The following KIF14 variants were observed in gnomAD, a reference collection of about 807,000 sequenced individuals.
KIF14 encodes kinesin-like protein KIF14.
KIF14 carries 98 observed loss-of-function variants against 176.2 expected under a neutral mutation model. That is an observed-to-expected ratio of 0.56 (90% CI 0.47 to 0.66). KIF14 has a LOEUF of 0.66. Ranked by LOEUF, KIF14 falls within the 30% of genes least tolerant of loss-of-function variation. The pLI is 0.00. For synonymous variants in KIF14, 566 were observed against 632.2 expected (o/e 0.90, Z 1.57); for missense variants, 1,751 against 1,920.4 (o/e 0.91, Z 1.65).
chr1:200,573,440 T>C (rs1401713218), intron 22 of KIF14, among the ~76,000 whole-genome samples: 1 of 133,816 alleles, frequency 7.5e-6, no homozygotes, highest in Non-Finnish European at 1.6e-5. Context: ...TTTTTTTTTT[T>C]TTTTTTTTTT....
At chr1:200,608,300 T>G (rs192972346) in intron 5 of KIF14, among the ~76,000 whole-genome samples, 1 of 152,078 alleles carries the variant, frequency 6.6e-6, no homozygotes, top group Non-Finnish European at 1.5e-5. Context: ...CAATTCTTCA[T>G]TAAAATAAAG....
Position 200,617,572 on chromosome 1 carries a change from T to C in KIF14, c.1112+40A>G, listed in dbSNP as rs1414228591. ...AGAGAGGAATTAAAGGTACCTTACA[T>C]GTAACTGCTTGGCTTTAGATTTTAA... On this transcript the variant is annotated intron_variant, in intron 2 of 29. Transcript: ENST00000367350. 3.2e-6 allele frequency: 5 copies of C among 1,549,824 alleles called. No individual in the cohort carries two copies. The East Asian group carries it at 6.8e-5, about 21-fold the overall frequency.
Position 200,618,262 on chromosome 1 carries a change from A to G in KIF14, c.462T>C (p.Asn154=). The G allele has an allele frequency of 6.2e-7, 1 of 1,613,816 alleles. No homozygotes were observed. The highest frequency in any genetic ancestry group is 8.5e-7 in the Non-Finnish European group (1 of 1,180,006). Residue 154 remains asparagine, a synonymous_variant, in exon 2 of 30, where the codon AAT becomes AAC. Coordinates refer to ENST00000367350, the MANE Select transcript of KIF14 (RefSeq NM_014875.3). ...TTGTTCTACTTTCCTTAGAAACACCATTATTTTCTGTTTCACCTCCCACAT... is the reference window on the plus strand; with the variant it reads ...TTGTTCTACTTTCCTTAGAAACACCGTTATTTTCTGTTTCACCTCCCACAT... ...TLNVGGETEN[N]GVSKESRTNV...
chr1:200,593,927 G>GTTTTTTTTT (rs57476742), intron 14 of KIF14, among the ~76,000 whole-genome samples, 158 bp from the exon 15 acceptor site: 48 of 100,544 alleles, frequency 4.8e-4, no homozygotes, highest in Admixed American at 6.8e-4. Flanking sequence ...CCTCCAACTA[G>GTTTTTTTTT]TTTTTTTTTT....
chr1:200,574,937 A>ATTTTTTTTTTTTTTTTTTTTTTTTTTT, intron 22 of KIF14, among the ~76,000 whole-genome samples: 1 of 110,682 alleles, frequency 9.0e-6, no homozygotes, highest in Non-Finnish European at 1.8e-5. Flanking sequence ...AGAAAGGGTA[A>ATTTTTTTTTTTTTTTTTTTTTTTTTTT]TTTTTTTTTT....
chr1:200,609,076 C>A (rs1278262739), intron 4 of KIF14, 148 bp from the exon 5 acceptor site: 2 of 483,506 alleles, frequency 4.1e-6, no homozygotes, highest in Non-Finnish European at 7.3e-6. Flanking sequence ...TTTTAAAATG[C>A]ACAAAGGACT....
chr1:200,588,710 G>C (rs1658890743), intron 18 of KIF14, among the ~76,000 whole-genome samples: 1 of 152,152 alleles, frequency 6.6e-6, no homozygotes. Context: ...GATTAGTTGA[G>C]GTGGCCCATG....
Position 200,586,227 on chromosome 1 carries a change from C to T in KIF14, c.3115G>A (p.Ala1039Thr). 1 of 1,582,214 alleles carries T rather than the reference C, an allele frequency of 6.3e-7. No individual in the cohort carries two copies. The highest frequency in any genetic ancestry group is 2.3e-5 in the East Asian group (1 of 44,270). Residue 1039 changes from alanine to threonine, a missense_variant and splice_region_variant, in exon 19 of 30, where the codon GCT becomes ACT. Ala to Thr is a moderately conservative substitution (Grantham distance 58, BLOSUM62 0). Coordinates refer to ENST00000367350, the MANE Select transcript of KIF14 (RefSeq NM_014875.3). ...TGGCGGATGCTATGGTCTTCTAAAG[C>T]CTAATTGATATTCATTCATACAGAC... is the stretch of plus-strand genomic sequence containing the variant. ...LEMETLATKQ[A>T]LEDHSIRHAR...
At chr1:200,557,730 AAAC>A (rs1188754624) in intron 27 of KIF14, among the ~76,000 whole-genome samples, 6 of 152,188 alleles carry the variant, frequency 3.9e-5, no homozygotes, top group African/African-American at 7.2e-5. Context: ...AAGTTTTTCT[AAAC>A]AACAACAACA....
chr1:200,589,522 A>ATCACTAGTCAAACTT (rs75982554), intron 17 of KIF14, among the ~76,000 whole-genome samples, 153 bp from the exon 18 acceptor site: 10 of 151,742 alleles, frequency 6.6e-5, no homozygotes, highest in African/African-American at 1.2e-4. Context: ...AACTAAAAAT[A>ATCACTAGTCAAACTT]CTTAAGAGTA....
At chr1:200,572,913 T>C (rs960620634) in intron 22 of KIF14, among the ~76,000 whole-genome samples, 12 of 152,226 alleles carry the variant, frequency 7.9e-5, no homozygotes, top group Non-Finnish European at 1.5e-5. Context: ...AGGCCAACTC[T>C]GTCAAGTCCT....
At chr1:200,561,565 GA>G (rs11296476) in intron 25 of KIF14, among the ~76,000 whole-genome samples, 79,582 of 132,654 alleles carry the variant, frequency 0.6, 21,883 homozygotes, top group East Asian at 0.71. Flanking sequence ...GAAAAGAGAA[GA>G]AAAAAAAAAA....
intron 21 of KIF14, among the ~76,000 whole-genome samples, chr1:200,579,723 A>G (rs1280440400): frequency 6.6e-6 from 1 of 152,144 alleles, no homozygotes; most frequent in Non-Finnish European, 1.5e-5. Context: ...AAAAGCTCAT[A>G]TGTTTAGTTT....
intron 2 of KIF14, among the ~76,000 whole-genome samples, chr1:200,617,204 G>T (rs1660446828): frequency 6.6e-6 from 1 of 152,180 alleles, no homozygotes; most frequent in South Asian, 2.1e-4. Flanking sequence ...CTGGCCTCAA[G>T]TGATCTGCCT....
At chr1:200,556,570 C>A (rs889757282) in intron 27 of KIF14, among the ~76,000 whole-genome samples, 2 of 152,168 alleles carry the variant, frequency 1.3e-5, no homozygotes, top group African/African-American at 4.8e-5. Flanking sequence ...CAATTGTATA[C>A]AGGATGGGCC....
intron 22 of KIF14, among the ~76,000 whole-genome samples, chr1:200,570,849 C>T (rs988738554): frequency 1.3e-5 from 2 of 152,030 alleles, no homozygotes; most frequent in Non-Finnish European, 2.9e-5. Context: ...AATTTTGTCA[C>T]ACAGGTAACA....
In KIF14 at chr1:200,569,900, G is replaced by GA. The variant is rs890921449; in HGVS notation, c.3661+10dup. 7 of 1,506,852 alleles carry GA rather than the reference G, an allele frequency of 4.6e-6. No individual in the cohort carries two copies. Among genetic ancestry groups the GA allele is most frequent in the East Asian group, 4.5e-5 (2 of 43,976 alleles). 93.3% of individuals were successfully genotyped at this position (1,506,852 alleles called of 1,614,324 possible). On this transcript the variant is annotated intron_variant, in intron 23 of 29. Transcript: ENST00000367350. ...TTTCTCGCCATAGAGAAAATGTGAA[G>GA]AAAAAAATACCTGATGAATGTGAAG...
At chr1:200,605,984 A>G in intron 6 of KIF14, 90 bp from the exon 7 acceptor site, 1 of 662,486 alleles carries the variant, frequency 1.5e-6, no homozygotes, top group South Asian at 2.5e-5. Context: ...TTACATATTT[A>G]CGCTGAAGAT....
chr1:200,615,030 T>A (rs1660344561), intron 3 of KIF14, among the ~76,000 whole-genome samples: 1 of 152,120 alleles, frequency 6.6e-6, no homozygotes, highest in South Asian at 2.1e-4. Context: ...TGCCATCACA[T>A]CTAGCTTAGA....
Sources: gnomAD v4.1 joint callset for allele counts (sites outside exome capture counted in the v4.1 genomes callset) on GRCh38, gnomAD v4.1.1 for gene constraint, MANE v1.5 for transcripts, NCBI Gene and HGNC (gene_info 2026-07-23, HGNC 2026-07-21) for gene names.